The following CDH18 variants were observed in gnomAD, a reference collection of about 807,000 sequenced individuals.
CDH18 encodes cadherin-18.
Under a neutral mutation model 67.9 loss-of-function variants are expected in CDH18, and 31 were observed. That is an observed-to-expected ratio of 0.46 (90% CI 0.34 to 0.62). The LOEUF (loss-of-function observed/expected upper bound fraction) is 0.62. Among genes scored for constraint, CDH18 ranks in the 20% least tolerant of loss-of-function variants. CDH18 has a pLI of 0.01. For missense variants in CDH18, 890 were observed against 975.5 expected (o/e 0.91, Z 1.17); for synonymous variants, 362 against 347.2 (o/e 1.04, Z -0.48).
chr5:19,692,689 T>G (rs1161206113), intron 5 of CDH18, among the ~76,000 whole-genome samples: 1 of 151,936 alleles, frequency 6.6e-6, no homozygotes, highest in Non-Finnish European at 1.5e-5. Flanking sequence ...GATAACATCA[T>G]ACCCCAGTTA....
At chr5:20,119,301 C>A (rs1748166994) in intron 2 of CDH18, among the ~76,000 whole-genome samples, 1 of 152,082 alleles carries the variant, frequency 6.6e-6, no homozygotes, top group African/African-American at 2.4e-5. Flanking sequence ...TCCTGTAATA[C>A]CTAGATATCT....
intron 3 of CDH18, among the ~76,000 whole-genome samples, chr5:19,785,712 A>T (rs1371265396): frequency 8.9e-6 from 1 of 112,898 alleles, no homozygotes; most frequent in Non-Finnish European, 1.8e-5. Flanking sequence ...ATATATATAT[A>T]TATATATATA....
intron 2 of CDH18, among the ~76,000 whole-genome samples, chr5:20,250,378 C>G (rs973753669): frequency 6.6e-6 from 1 of 151,246 alleles, no homozygotes; most frequent in African/African-American, 2.4e-5. Flanking sequence ...CGGCAACCTC[C>G]GCCTCCCGGA....
At chr5:20,382,614 C>T (rs1402232919) in intron 1 of CDH18, among the ~76,000 whole-genome samples, 1 of 151,982 alleles carries the variant, frequency 6.6e-6, no homozygotes, top group Non-Finnish European at 1.5e-5. Context: ...ACATCTCTCA[C>T]ATAAAGATGA....
chr5:20,367,969 G>A (rs1742659278), intron 1 of CDH18, among the ~76,000 whole-genome samples: 1 of 152,128 alleles, frequency 6.6e-6, no homozygotes, highest in Admixed American at 6.5e-5. Flanking sequence ...CAGAGATTCT[G>A]AATTAATTTG....
chr5:20,426,521 T>C (rs1748313208), intron 1 of CDH18, among the ~76,000 whole-genome samples: 1 of 151,162 alleles, frequency 6.6e-6, no homozygotes. Flanking sequence ...TTCTGGAGCT[T>C]TCCACTTTTT....
chr5:20,452,705 T>C (rs1016466011), intron 1 of CDH18, among the ~76,000 whole-genome samples: 3 of 152,034 alleles, frequency 2.0e-5, no homozygotes, highest in African/African-American at 7.2e-5. Flanking sequence ...AACAAACCCC[T>C]ATGACACAAG....
At chr5:20,409,860 C>T (rs935584159) in intron 1 of CDH18, among the ~76,000 whole-genome samples, 69 of 151,658 alleles carry the variant, frequency 4.5e-4, no homozygotes, top group African/African-American at 1.5e-3. Flanking sequence ...TTACTATAAA[C>T]ACTTGTATGC....
At chr5:20,042,077 C>T (rs534377386) in intron 2 of CDH18, among the ~76,000 whole-genome samples, 5 of 152,334 alleles carry the variant, frequency 3.3e-5, no homozygotes, top group East Asian at 3.9e-4. Flanking sequence ...AGCCAGAGTT[C>T]AAGGCACACG....
intron 5 of CDH18, among the ~76,000 whole-genome samples, chr5:19,618,563 T>G (rs570003847): frequency 6.6e-6 from 1 of 152,168 alleles, no homozygotes; most frequent in South Asian, 2.1e-4. Context: ...TTAACATCTA[T>G]TATTTTACAG....
At chr5:19,961,431 C>T (rs2150305516) in intron 2 of CDH18, among the ~76,000 whole-genome samples, 1 of 152,052 alleles carries the variant, frequency 6.6e-6, no homozygotes, top group East Asian at 1.9e-4. Context: ...CTTATGAGAC[C>T]ACCATAATAT....
intron 2 of CDH18, among the ~76,000 whole-genome samples, chr5:20,113,285 C>A (rs1747630084): frequency 6.6e-6 from 1 of 152,160 alleles, no homozygotes. Flanking sequence ...GAATTATATG[C>A]ATCTTCCCCA....
chr5:20,555,349 T>A (rs757146232), intron 1 of CDH18, among the ~76,000 whole-genome samples: 2 of 137,760 alleles, frequency 1.5e-5, no homozygotes, highest in Non-Finnish European at 3.2e-5. Context: ...ACCCAATCTA[T>A]GGTATTTTGT....
At chr5:19,543,807 A>G in intron 9 of CDH18, 62 bp downstream of exon 9, 1 of 1,278,686 alleles carries the variant, frequency 7.8e-7, no homozygotes. Flanking sequence ...GCTCTTAAGG[A>G]AATTTCAGTA....
intron 11 of CDH18, among the ~76,000 whole-genome samples, chr5:19,499,341 A>G (rs539110972): frequency 9.9e-5 from 15 of 152,264 alleles, no homozygotes; most frequent in Admixed American, 9.2e-4. Flanking sequence ...ATTGTACTAA[A>G]TATTTATACA....
Position 19,630,477 on chromosome 5 carries a change from T to G in CDH18, c.644-17876A>C, listed in dbSNP as rs180906609. Among the ~76,000 whole-genome samples, 1,242 of 150,120 alleles carry G rather than the reference T, an allele frequency of 8.3e-3. 15 individuals carry two copies. The highest frequency in any genetic ancestry group is 0.026 in the African/African-American group (1,066 of 41,078). On this transcript the variant is annotated intron_variant, in intron 5 of 12. Transcript: ENST00000382275. Reference sequence around the variant, plus strand: ...TGGGTTTAGCAAGGATCCATTGGGGTGTGTGTGTGTGTGTGTGTTGTTTTG... The same window carrying G: ...TGGGTTTAGCAAGGATCCATTGGGGGGTGTGTGTGTGTGTGTGTTGTTTTG...
At chr5:20,095,423 GAAAGAAAGAAAGAAAGAAAGA>G (rs1745853524) in intron 2 of CDH18, among the ~76,000 whole-genome samples, 1 of 122,862 alleles carries the variant, frequency 8.1e-6, no homozygotes, top group East Asian at 2.6e-4. Context: ...AAGAAAGAAA[GAAAGAAAGAAAGAAAGAAAGA>G]AAAGAAAGAA....
In CDH18 at chr5:20,561,270, T is replaced by C. The variant is rs7702517; in HGVS notation, c.-580+14192A>G. On this transcript the variant is annotated intron_variant, in intron 1 of 14. Coordinates refer to the CDH18 transcript ENST00000507958. Reference sequence around the variant, plus strand: ...GTTCTTTGGTACTTACCCAAATAAGTTGAACATTTACATACACACAAAACA... The same window carrying C: ...GTTCTTTGGTACTTACCCAAATAAGCTGAACATTTACATACACACAAAACA... Among the ~76,000 whole-genome samples, 1,326 of 152,194 alleles carry C rather than the reference T, an allele frequency of 8.7e-3. 13 individuals are homozygous for C. The highest frequency in any genetic ancestry group is 0.029 in the African/African-American group (1,208 of 41,542).
intron 2 of CDH18, among the ~76,000 whole-genome samples, chr5:20,196,691 A>C (rs775230569): frequency 6.6e-6 from 1 of 152,200 alleles, no homozygotes; most frequent in African/African-American, 2.4e-5. Flanking sequence ...TTTCTACAAC[A>C]GAGTTTCCAA....
Sources: gnomAD v4.1 joint callset for allele counts (sites outside exome capture counted in the v4.1 genomes callset) on GRCh38, gnomAD v4.1.1 for gene constraint, MANE v1.5 for transcripts, NCBI Gene and HGNC (gene_info 2026-07-23, HGNC 2026-07-21) for gene names.